Variants in MBTPS2 observed in about 807,000 individuals in gnomAD.
MBTPS2 encodes the protein membrane bound transcription factor peptidase, site 2.
MBTPS2 carries 2 observed loss-of-function variants against 35.4 expected under a neutral mutation model. The observed-to-expected ratio is 0.06, with a 90% CI of 0.02 to 0.18. MBTPS2 has a LOEUF of 0.18. MBTPS2 is among the 10% of genes least tolerant of loss of function. The pLI is 1.00. For synonymous variants in MBTPS2, 125 were observed against 140.4 expected (o/e 0.89, Z 0.77); for missense variants, 244 against 386.5 (o/e 0.63, Z 3.09).
Position 21,877,786 on chromosome X carries a change from G to A in MBTPS2, c.971-256G>A, listed in dbSNP as rs998612646. ...AAACCTACTGAGACACTGCAACTCC[G>A]GCTTTATGGGTAGCTCAGTTTATAT... On this transcript the variant is annotated intron_variant, in intron 7 of 10. Coordinates refer to ENST00000379484, the MANE Select transcript of MBTPS2 (RefSeq NM_015884.4). Among the ~76,000 whole-genome samples the A allele has an allele frequency of 5.4e-5, 6 of 111,653 alleles. No individual in the cohort carries two copies. In the East Asian group the frequency reaches 1.1e-3, roughly 21 times the overall value.
Position 21,882,803 on chromosome X carries a change from C to A in MBTPS2, c.*148C>A. The A allele has an allele frequency of 8.9e-7, 1 of 1,127,791 alleles. No homozygotes were observed. Among genetic ancestry groups the A allele is most frequent in the Non-Finnish European group, 1.2e-6 (1 of 855,077 alleles). 92.9% of individuals were successfully genotyped at this position (1,127,791 alleles called of 1,213,427 possible). A position where few individuals can be genotyped will look rare whatever the true frequency, so the allele number is the denominator to read the frequency against. ...CAACAACCCTGAGCTCCTCCCATAT[C>A]CAGAGTACCCAAACTCTGTGGTAGA... On this transcript the variant is annotated 3_prime_UTR_variant, in exon 11 of 11. Coordinates refer to ENST00000379484, the MANE Select transcript of MBTPS2 (RefSeq NM_015884.4).
intron 5 of MBTPS2, among the ~76,000 whole-genome samples, chrX:21,854,503 A>C (rs188542954): frequency 8.9e-6 from 1 of 112,410 alleles, no homozygotes; most frequent in East Asian, 2.8e-4. Flanking sequence ...TAAAATGATG[A>C]GCAGAACATA....
intron 6 of MBTPS2, among the ~76,000 whole-genome samples, chrX:21,868,790 C>A (rs1176106569): frequency 1.8e-5 from 2 of 112,183 alleles, no homozygotes; most frequent in Non-Finnish European, 3.8e-5. Context: ...TTGTTTTTGT[C>A]CTGATGCTGT....
At chrX:21,867,803 T>TAATTTTTTTGTATTTTTAGTA (rs1250171707) in intron 5 of MBTPS2, among the ~76,000 whole-genome samples, 1 of 110,106 alleles carries the variant, frequency 9.1e-6, no homozygotes, top group African/African-American at 3.3e-5. Context: ...CATGCCTGGC[T>TAATTTTTTTGTATTTTTAGTA]AATTTTTTTG....
At chrX:21,855,462 C>T (rs992909553) in intron 5 of MBTPS2, among the ~76,000 whole-genome samples, 18 of 109,972 alleles carry the variant, frequency 1.6e-4, no homozygotes, top group Admixed American at 2.9e-4. Flanking sequence ...GATGGAGTCT[C>T]GCTGTGTTGC....
At position 21,882,460 on chromosome X, in the gene MBTPS2, G is replaced by A. The variant is rs2092960512; in HGVS notation, c.1365G>A (p.Leu455=). Residue 455 remains leucine (L), a synonymous_variant, in exon 11 of 11, where the codon CTG becomes CTA. Coordinates refer to ENST00000379484, the MANE Select transcript of MBTPS2 (RefSeq NM_015884.4). ...ACCTGATTTCCCTCTCAGGAGCTCT[G>A]GCTATTGTTAATGCAGTACCCTGCT... ...VKYLISLSGA[L]AIVNAVPCFA... is the part of the protein sequence containing the mutation. 1 of 1,209,848 alleles carries A rather than the reference G, an allele frequency of 8.3e-7. No homozygotes were observed. The highest frequency in any genetic ancestry group is 1.7e-5 in the African/African-American group (1 of 57,296).
chrX:21,839,940 C>T (rs1269291468), intron 1 of MBTPS2, 131 bp downstream of exon 1: 3 of 624,571 alleles, frequency 4.8e-6, no homozygotes, highest in Non-Finnish European at 2.6e-6. Flanking sequence ...CGTGGTGGAT[C>T]GGCCCGGTGG....
In MBTPS2 at chrX:21,865,161, G is replaced by A. The variant is rs762312026; in HGVS notation, c.671-3306G>A. On this transcript the variant is annotated intron_variant, in intron 5 of 10. Transcript: ENST00000379484. The stretch of plus-strand genomic sequence containing the variant: ...GGCCTCCCAAAGTGCTGGGATTACA[G>A]GCATGAGCTAGAGCTACCACACGGG... Among the ~76,000 whole-genome samples the A allele has an allele frequency of 3.7e-5, 4 of 106,819 alleles. No homozygotes were observed. The East Asian group carries it at 8.8e-4, about 24-fold the overall frequency. 92.8% of individuals were successfully genotyped at this position (106,819 alleles called of 115,157 possible). A position where few individuals can be genotyped will look rare whatever the true frequency, so the allele number is the denominator to read the frequency against.
At chrX:21,856,169 G>T (rs1602141947) in intron 5 of MBTPS2, 1 of 273,340 alleles carries the variant, frequency 3.7e-6, no homozygotes, top group Non-Finnish European at 6.5e-6. Context: ...GCAAACGTAC[G>T]CGGGCACGTG....
Position 21,882,662 on chromosome X carries a change from C to T in MBTPS2, c.*7C>T, listed in dbSNP as rs746842245. 39 of 1,206,606 alleles carry T rather than the reference C, an allele frequency of 3.2e-5. No individual in the cohort carries two copies. The East Asian group carries it at 1.1e-3, about 35-fold the overall frequency. The stretch of plus-strand genomic sequence containing the variant: ...GATGGTTACAGCACGGTAATGTTTG[C>T]ACTCATCTGACAGAATCCCTGAGTT... On this transcript the variant is annotated 3_prime_UTR_variant, in exon 11 of 11. Transcript: ENST00000379484.
intron 5 of MBTPS2, among the ~76,000 whole-genome samples, chrX:21,862,909 A>AACAT (rs2092933713): frequency 1.8e-5 from 1 of 54,198 alleles, no homozygotes; most frequent in Non-Finnish European, 3.8e-5. Flanking sequence ...AACATATATA[A>AACAT]ATATATAAAC....
chrX:21,846,291 G>A (rs1199196458), intron 3 of MBTPS2, among the ~76,000 whole-genome samples: 2 of 111,822 alleles, frequency 1.8e-5, no homozygotes, highest in Admixed American at 9.5e-5. Context: ...ACTTGCCTGT[G>A]GTCACAGCTC....
At chrX:21,870,482 T>C (rs190574118) in intron 7 of MBTPS2, 2 of 111,782 alleles carry the variant, frequency 1.8e-5, no homozygotes, top group East Asian at 5.6e-4. Context: ...ATTAATATAT[T>C]GTTAGCCCAA....
In MBTPS2 at chrX:21,863,311, A is replaced by C. The variant is rs761101606; in HGVS notation, c.671-5156A>C. On this transcript the variant is annotated intron_variant, in intron 5 of 10. Transcript: ENST00000379484. ...ATTTAAAAAAAAATTAAAAACTATA[A>C]AACTGTCTTGAAAAAGTTATTAGAA... 4.7e-4 allele frequency among the ~76,000 whole-genome samples: 51 copies of C among 108,440 alleles called. 1 individual carries two copies. The highest frequency in any genetic ancestry group is 1.4e-3 in the African/African-American group (42 of 30,053). The allele number at this position is 108,440 out of a possible 115,157, so 94.2% of individuals were successfully genotyped here.
chrX:21,857,162 C>T, intron 5 of MBTPS2: 1 of 1,211,854 alleles, frequency 8.3e-7, no homozygotes, highest in Non-Finnish European at 1.1e-6. Flanking sequence ...GGTTACCAGG[C>T]ATTGATCTCT....
chrX:21,869,084 G>A (rs1289530811), intron 6 of MBTPS2, among the ~76,000 whole-genome samples: 1 of 111,987 alleles, frequency 8.9e-6, no homozygotes, highest in South Asian at 3.6e-4. Flanking sequence ...GTGAGCAATT[G>A]GCTTACATAT....
intron 7 of MBTPS2, among the ~76,000 whole-genome samples, chrX:21,873,400 C>G (rs1233917093): frequency 8.9e-6 from 1 of 112,394 alleles, no homozygotes; most frequent in Admixed American, 9.4e-5. Context: ...TAGACAATAA[C>G]TAGTATGGCT....
chrX:21,850,026 C>CAAAAAAAA (rs757928757), intron 3 of MBTPS2, among the ~76,000 whole-genome samples: 1 of 27,453 alleles, frequency 3.6e-5, no homozygotes, highest in Admixed American at 4.5e-4. Context: ...GACTCCGTCT[C>CAAAAAAAA]AAAAAAAAAA....
intron 5 of MBTPS2, among the ~76,000 whole-genome samples, chrX:21,862,954 ATATATATATATAT>A (rs1157955957): frequency 6.3e-5 from 4 of 63,325 alleles, no homozygotes; most frequent in African/African-American, 2.0e-4. Flanking sequence ...ATATATATAT[ATATATATATATAT>A]AAAACCGACT....
Sources: gnomAD v4.1 joint callset for allele counts (sites outside exome capture counted in the v4.1 genomes callset) on GRCh38, gnomAD v4.1.1 for gene constraint, MANE v1.5 for transcripts, NCBI Gene and HGNC (gene_info 2026-07-23, HGNC 2026-07-21) for gene names.